NMNAT3: variants seen among roughly 807,000 people sequenced by gnomAD.
The protein encoded by NMNAT3 is nicotinamide nucleotide adenylyltransferase 3.
Under a neutral mutation model 24.8 loss-of-function variants are expected in NMNAT3, and 21 were observed. The ratio of observed to expected loss-of-function variants is 0.85; its 90% CI spans 0.60 to 1.22. NMNAT3 has a LOEUF of 1.22. NMNAT3 is among the 50% of genes most tolerant of loss of function. The probability of loss-of-function intolerance (pLI) is 0.00; values close to 1 mark genes in which losing one functional copy is unlikely to be tolerated. For synonymous variants in NMNAT3, 136 were observed against 155.2 expected, an observed-to-expected ratio of 0.88 and a Z score of 0.92; for missense variants, 387 against 436.6, an observed-to-expected ratio of 0.89 and a Z score of 1.01.
At chr3:139,578,486 C>T in intron 5 of NMNAT3, among the ~76,000 whole-genome samples, 1 of 152,114 alleles carries the variant, frequency 6.6e-6, no homozygotes, top group South Asian at 2.1e-4. Flanking sequence ...AAGTTATTTA[C>T]ATATAAAAAA....
chr3:139,672,039 C>T (rs2057774403), intron 1 of NMNAT3, among the ~76,000 whole-genome samples: 1 of 152,192 alleles, frequency 6.6e-6, no homozygotes, highest in African/African-American at 2.4e-5. Context: ...AGCGAGCAGC[C>T]TGGCTGATAT....
At chr3:139,668,623 G>A (rs1185905804) in intron 1 of NMNAT3, among the ~76,000 whole-genome samples, 2 of 152,172 alleles carry the variant, frequency 1.3e-5, no homozygotes, top group African/African-American at 4.8e-5. Context: ...TTTTTGGAAG[G>A]GAGACTATGA....
At chr3:139,642,900 C>G (rs57676048) in intron 1 of NMNAT3, among the ~76,000 whole-genome samples, 3,610 of 152,220 alleles carry the variant, frequency 0.024, 133 homozygotes, top group African/African-American at 0.08. Context: ...CACCTCCATG[C>G]CTTTGATCCT....
At chr3:139,635,080 C>T (rs2056450895) in intron 2 of NMNAT3, 1 of 152,118 alleles carries the variant, frequency 6.6e-6, no homozygotes, top group Non-Finnish European at 1.5e-5. Context: ...AGTACCTGGC[C>T]CATAGAGGGT....
At chr3:139,650,947 G>T (rs1559954467) in intron 1 of NMNAT3, among the ~76,000 whole-genome samples, 2 of 152,146 alleles carry the variant, frequency 1.3e-5, no homozygotes, top group African/African-American at 4.8e-5. Flanking sequence ...TGAACAGTAG[G>T]ATCCAAGAAG....
chr3:139,632,644 A>T (rs1490824734), intron 2 of NMNAT3, among the ~76,000 whole-genome samples: 3 of 152,172 alleles, frequency 2.0e-5, no homozygotes, highest in African/African-American at 4.8e-5. Context: ...CCTCTACTGG[A>T]CAGTAGGATG....
intron 5 of NMNAT3, among the ~76,000 whole-genome samples, chr3:139,578,432 A>G (rs1939645002): frequency 6.6e-6 from 1 of 152,220 alleles, no homozygotes; most frequent in Admixed American, 6.5e-5. Context: ...AAAATAACAA[A>G]AGGTCCCACC....
chr3:139,561,981 A>G (rs1176914602), intron 6 of NMNAT3, among the ~76,000 whole-genome samples: 1 of 151,722 alleles, frequency 6.6e-6, no homozygotes, highest in Non-Finnish European at 1.5e-5. Flanking sequence ...CTCTAGAACA[A>G]TGCTTAATGT....
chr3:139,632,535 TC>T (rs1354204989), intron 2 of NMNAT3, among the ~76,000 whole-genome samples: 27 of 152,300 alleles, frequency 1.8e-4, no homozygotes, highest in African/African-American at 6.3e-4. Flanking sequence ...GTTTTCAGAG[TC>T]CGTCCAGTTT....
intron 3 of NMNAT3, among the ~76,000 whole-genome samples, 153 bp downstream of exon 4, chr3:139,627,463 C>G (rs1231014844): frequency 6.6e-6 from 1 of 152,140 alleles, no homozygotes; most frequent in Non-Finnish European, 1.5e-5. Context: ...AGACTATAAG[C>G]ATCAACCCTT....
chr3:139,611,400 A>G (rs1323199913), intron 3 of NMNAT3, among the ~76,000 whole-genome samples: 2 of 152,222 alleles, frequency 1.3e-5, no homozygotes, highest in African/African-American at 2.4e-5. Flanking sequence ...ATAACCCTGT[A>G]TGATGAGGAT....
Position 139,561,151 on chromosome 3 carries a change from C to T in NMNAT3, c.900G>A (p.Arg300=), listed in dbSNP as rs751815138. ...CGCTCTGCCCTTGGCCCAAGGCTCG[C>T]CTGATGTATGTGGCACTGATCTCAT... Residue 300 remains arginine, a synonymous_variant, in exon 7 of 7, where the codon AGG becomes AGA. Coordinates refer to ENST00000643695, the MANE Select transcript of NMNAT3 (RefSeq NM_001320510.2). The T allele has an allele frequency of 6.8e-6, 11 of 1,613,994 alleles. No homozygotes were observed. The Admixed American group carries it at 8.3e-5, about 12-fold the overall frequency.
At chr3:139,659,461 T>A (rs963292828) in intron 1 of NMNAT3, among the ~76,000 whole-genome samples, 2 of 152,252 alleles carry the variant, frequency 1.3e-5, no homozygotes, top group African/African-American at 4.8e-5. Context: ...ATAATATATT[T>A]GTTTTTACAA....
intron 1 of NMNAT3, among the ~76,000 whole-genome samples, chr3:139,674,850 C>T (rs1477589851): frequency 6.6e-6 from 1 of 152,100 alleles, no homozygotes; most frequent in African/African-American, 2.4e-5. Context: ...TGACCGGGCA[C>T]TTACCATACT....
At chr3:139,573,540 A>G (rs2108058684) in intron 6 of NMNAT3, 58 bp downstream of exon 6, 1 of 1,040,664 alleles carries the variant, frequency 9.6e-7, no homozygotes. Context: ...TACCCCCTTC[A>G]GTTCTCACAG....
intron 1 of NMNAT3, among the ~76,000 whole-genome samples, chr3:139,674,266 C>G (rs988194423): frequency 2.0e-5 from 3 of 152,212 alleles, no homozygotes; most frequent in African/African-American, 7.2e-5. Context: ...CTTTCTATTC[C>G]TAATTCCTAG....
At chr3:139,638,472 A>T (rs768511747) in intron 1 of NMNAT3, among the ~76,000 whole-genome samples, 1 of 152,212 alleles carries the variant, frequency 6.6e-6, no homozygotes, top group Non-Finnish European at 1.5e-5. Context: ...TTCCCTGTGT[A>T]TCAGGAAAAT....
intron 6 of NMNAT3, among the ~76,000 whole-genome samples, chr3:139,572,957 C>T (rs150706652): frequency 6.6e-5 from 10 of 152,298 alleles, no homozygotes; most frequent in African/African-American, 1.2e-4. Flanking sequence ...GGAATCTGCA[C>T]GCCCACCGCT....
intron 6 of NMNAT3, among the ~76,000 whole-genome samples, chr3:139,572,993 G>A (rs955449668): frequency 3.3e-5 from 5 of 152,284 alleles, no homozygotes; most frequent in African/African-American, 1.2e-4. Context: ...TTATTTGCAT[G>A]AGAGCATTAT....
Sources: allele counts gnomAD v4.1 joint callset (sites outside exome capture counted in the v4.1 genomes callset), GRCh38; gene constraint gnomAD v4.1.1; transcripts MANE v1.5; gene names NCBI Gene and HGNC (gene_info 2026-07-23, HGNC 2026-07-21).